Variants in SEL1L3 observed in about 807,000 individuals in gnomAD.
The protein encoded by SEL1L3 is SEL1L family member 3.
In SEL1L3, 76 loss-of-function variants were observed where a neutral mutation model predicts 142.8. The ratio of observed to expected loss-of-function variants is 0.53; its 90% confidence interval spans 0.44 to 0.64. The LOEUF (loss-of-function observed/expected upper bound fraction) is 0.64. SEL1L3 is among the 30% of genes least tolerant of loss of function. The pLI is 0.00. For synonymous variants in SEL1L3, 504 were observed against 519.6 expected, an observed-to-expected ratio of 0.97 and a Z score of 0.41; for missense variants, 1,262 against 1,381.7, an observed-to-expected ratio of 0.91 and a Z score of 1.37.
At chr4:25,770,920 C>T (rs919856255) in intron 17 of SEL1L3, among the ~76,000 whole-genome samples, 26 of 152,326 alleles carry the variant, frequency 1.7e-4, no homozygotes, top group Middle Eastern at 3.4e-3. Context: ...ATTTCTTTAG[C>T]TTATTAAAAC....
intron 17 of SEL1L3, among the ~76,000 whole-genome samples, chr4:25,774,014 GT>G (rs1719423782): frequency 6.6e-6 from 1 of 152,116 alleles, no homozygotes; most frequent in South Asian, 2.1e-4. Flanking sequence ...AGCTATAATT[GT>G]TCCCTCTATT....
chr4:25,753,915 T>C (rs1322609770), intron 23 of SEL1L3, among the ~76,000 whole-genome samples: 1 of 151,788 alleles, frequency 6.6e-6, no homozygotes, highest in African/African-American at 2.4e-5. Context: ...ATCCGAGAGA[T>C]GGAGGTTGCA....
At chr4:25,747,094 A>G (rs372778943), downstream of SEL1L3, among the ~76,000 whole-genome samples, 12 of 152,298 alleles carry the variant, frequency 7.9e-5, 1 homozygote, top group South Asian at 1.4e-3. Context: ...AGGAGGGACA[A>G]CATTTGCTAA....
chr4:25,847,249 T>G (rs778005334), intron 2 of SEL1L3, 45 bp downstream of exon 2: 1 of 1,488,540 alleles, frequency 6.7e-7, no homozygotes, highest in Non-Finnish European at 9.2e-7. Context: ...ATACAGGCTA[T>G]CTGAAAAAAT....
the SEL1L3 span, among the ~76,000 whole-genome samples, chr4:25,734,534 G>C: frequency 1.3e-5 from 2 of 151,694 alleles, no homozygotes; most frequent in Admixed American, 6.6e-5. Context: ...TTCATTAATT[G>C]CTTGTTTCAA....
chr4:25,804,926 G>C (rs942188944), intron 9 of SEL1L3, among the ~76,000 whole-genome samples, 174 bp from the exon 10 acceptor site: 1 of 152,192 alleles, frequency 6.6e-6, no homozygotes, highest in African/African-American at 2.4e-5. Flanking sequence ...GGGATGCCAT[G>C]GTGTCATTCT....
intron 11 of SEL1L3, among the ~76,000 whole-genome samples, chr4:25,801,273 C>G (rs1713165163): frequency 6.6e-6 from 1 of 152,188 alleles, no homozygotes; most frequent in African/African-American, 2.4e-5. Context: ...CATGGTGGCA[C>G]ACGCCTGTAA....
intron 2 of SEL1L3, among the ~76,000 whole-genome samples, chr4:25,839,272 AGCAGGTT>A (rs1716022873): frequency 6.6e-6 from 1 of 152,224 alleles, no homozygotes; most frequent in Admixed American, 6.5e-5. Flanking sequence ...TAGGCAGTGA[AGCAGGTT>A]CCTAAGGAAG....
At chr4:25,814,214 G>A (rs1156463694) in intron 9 of SEL1L3, among the ~76,000 whole-genome samples, 1 of 152,048 alleles carries the variant, frequency 6.6e-6, no homozygotes, top group African/African-American at 2.4e-5. Flanking sequence ...ATGCCCTTTG[G>A]GGAAACTATG....
the SEL1L3 span, among the ~76,000 whole-genome samples, chr4:25,715,403 T>C: frequency 4.6e-5 from 7 of 151,988 alleles, no homozygotes; most frequent in African/African-American, 7.2e-5. Context: ...ACCTATCGGG[T>C]TGGTAAAAAT....
At chr4:25,798,094 G>A (rs1367699772) in intron 11 of SEL1L3, among the ~76,000 whole-genome samples, 1 of 152,174 alleles carries the variant, frequency 6.6e-6, no homozygotes, top group East Asian at 1.9e-4. Context: ...GGTGTTGCGA[G>A]TTTGGTTGGG....
At chr4:25,724,753 AAAAAAAAAAAAAAAAAAAGG>A in the SEL1L3 span, among the ~76,000 whole-genome samples, 1 of 107,456 alleles carries the variant, frequency 9.3e-6, no homozygotes, top group Non-Finnish European at 2.2e-5. Flanking sequence ...AAAAAAAAAA[AAAAAAAAAAAAAAAAAAAGG>A]AAAAGAAATT....
the SEL1L3 span, among the ~76,000 whole-genome samples, chr4:25,741,381 G>A: frequency 5.3e-5 from 8 of 152,016 alleles, no homozygotes; most frequent in Non-Finnish European, 1.2e-4. Flanking sequence ...GATTACAGAG[G>A]TGAGCCACTG....
intron 17 of SEL1L3, among the ~76,000 whole-genome samples, chr4:25,768,092 A>C (rs1718883394): frequency 6.6e-6 from 1 of 152,178 alleles, no homozygotes; most frequent in South Asian, 2.1e-4. Flanking sequence ...GGCATGTCGG[A>C]TGTTGGCTGG....
intron 12 of SEL1L3, among the ~76,000 whole-genome samples, chr4:25,789,567 AGAGT>A (rs1712132266): frequency 1.4e-5 from 2 of 139,754 alleles, no homozygotes; most frequent in African/African-American, 5.5e-5. Context: ...CCTGCCCAAC[AGAGT>A]GAGACCCTGA....
At chr4:25,761,454 C>T (rs1382887969) in intron 20 of SEL1L3, among the ~76,000 whole-genome samples, 4 of 152,084 alleles carry the variant, frequency 2.6e-5, no homozygotes, top group African/African-American at 9.7e-5. Context: ...CCGCGCCCAG[C>T]CAGCTTTATG....
chr4:25,714,508 CTTTCT>C, the SEL1L3 span, among the ~76,000 whole-genome samples: 1 of 54,182 alleles, frequency 1.8e-5, no homozygotes, highest in African/African-American at 5.1e-5. Context: ...CTTTTTCTTT[CTTTCT>C]TTCTTTCTTT....
intron 3 of SEL1L3, among the ~76,000 whole-genome samples, chr4:25,834,753 A>G (rs1715682027): frequency 1.3e-5 from 2 of 152,206 alleles, no homozygotes; most frequent in Non-Finnish European, 2.9e-5. Flanking sequence ...CATTTTCAGC[A>G]TCTTCAATTC....
At position 25,818,119 on chromosome 4, in the gene SEL1L3, G is replaced by A. The variant is rs373837609; in HGVS notation, c.1564+19C>T. 8.7e-6 allele frequency: 14 copies of A among 1,608,754 alleles called. No homozygotes were observed. The highest frequency in any genetic ancestry group is 1.6e-4 in the Middle Eastern group (1 of 6,068). On this transcript the variant is annotated intron_variant, in intron 9 of 23. Transcript: ENST00000399878. ...GCCTTTCTAACCAGCGCCTAAAGCC[G>A]AGGCAAAGACTCAATTACCGGTCAG...
Sources: allele counts gnomAD v4.1 joint callset (sites outside exome capture counted in the v4.1 genomes callset), GRCh38; gene constraint gnomAD v4.1.1; transcripts MANE v1.5; gene names NCBI Gene and HGNC (gene_info 2026-07-23, HGNC 2026-07-21).